Variants in DOCK3 observed in about 807,000 individuals in gnomAD.
DOCK3 encodes dedicator of cytokinesis protein 3.
A neutral mutation model predicts 265.6 loss-of-function variants in DOCK3; 60 were observed. That is an observed-to-expected ratio of 0.23 (90% CI 0.18 to 0.28). The LOEUF (loss-of-function observed/expected upper bound fraction) is 0.28. Among genes scored for constraint, DOCK3 ranks in the 10% least tolerant of loss-of-function variants. The pLI is 1.00. For missense variants in DOCK3, 1,981 were observed against 2,594.3 expected (o/e 0.76, Z 5.14); for synonymous variants, 881 against 938.0 (o/e 0.94, Z 1.11).
intron 23 of DOCK3, among the ~76,000 whole-genome samples, chr3:51,264,972 AAG>A (rs927773606): frequency 6.6e-6 from 1 of 152,128 alleles, no homozygotes; most frequent in African/African-American, 2.4e-5. Flanking sequence ...TAATGAAGAA[AAG>A]AGAGAAGAAT....
At chr3:51,106,076 G>C (rs953675314) in intron 9 of DOCK3, among the ~76,000 whole-genome samples, 1 of 152,210 alleles carries the variant, frequency 6.6e-6, no homozygotes, top group African/African-American at 2.4e-5. Flanking sequence ...ATCTGTAGTG[G>C]AGCATGGCCA....
intron 5 of DOCK3, among the ~76,000 whole-genome samples, chr3:50,985,011 C>T (rs1236068510): frequency 1.3e-5 from 2 of 152,056 alleles, no homozygotes; most frequent in Admixed American, 6.6e-5. Context: ...GGCCAGCTCT[C>T]CATGGATACC....
chr3:50,927,211 A>G (rs982803968), intron 4 of DOCK3, among the ~76,000 whole-genome samples: 1 of 152,160 alleles, frequency 6.6e-6, no homozygotes, highest in African/African-American at 2.4e-5. Flanking sequence ...CCTTGACTAC[A>G]GTATTTATTT....
intron 51 of DOCK3, 99 bp from the exon 52 acceptor site, chr3:51,380,026 G>A: frequency 1.7e-6 from 2 of 1,146,280 alleles, no homozygotes; most frequent in South Asian, 3.0e-5. Flanking sequence ...GTCCCCAGGG[G>A]ACTCTTCTCA....
At chr3:50,698,017 G>T (rs1166782595) in intron 1 of DOCK3, among the ~76,000 whole-genome samples, 1 of 152,016 alleles carries the variant, frequency 6.6e-6, no homozygotes, top group Non-Finnish European at 1.5e-5. Context: ...AATAGCAGGG[G>T]TGTCGAGGTA....
chr3:50,984,088 C>G lies in DOCK3; in HGVS notation c.315+50011C>G, dbSNP rs77800829. Reference sequence around the variant, plus strand: ...CAGACCCCACACTTGCTCACACACCCCTTGCCACTCCATGCCTTACTTGCC... The same window carrying G: ...CAGACCCCACACTTGCTCACACACCGCTTGCCACTCCATGCCTTACTTGCC... On this transcript the variant is annotated intron_variant, in intron 5 of 52. Coordinates refer to ENST00000266037, the MANE Select transcript of DOCK3 (RefSeq NM_004947.5). 7.2e-5 allele frequency among the ~76,000 whole-genome samples: 11 copies of G among 151,932 alleles called. No individual in the cohort carries two copies. In the East Asian group the frequency reaches 2.1e-3, roughly 29 times the overall value.
At chr3:51,143,834 G>A (rs1420069483) in intron 9 of DOCK3, among the ~76,000 whole-genome samples, 1 of 152,102 alleles carries the variant, frequency 6.6e-6, no homozygotes, top group Non-Finnish European at 1.5e-5. Flanking sequence ...TTTAATTTAT[G>A]TAAAGTCTAA....
rs375448668 is a variant in DOCK3 at position 50,923,365 on chromosome 3, T to C, written c.219-10616T>C. ...CCACGCTATTTTCCATAGTGGTTTT[T>C]ATTTTTAGTCTTTTGTCATGCAAGA... On this transcript the variant is annotated intron_variant, in intron 4 of 52. Coordinates refer to ENST00000266037, the MANE Select transcript of DOCK3 (RefSeq NM_004947.5). 3.9e-4 allele frequency among the ~76,000 whole-genome samples: 60 copies of C among 152,356 alleles called. 1 individual carries two copies. The highest frequency in any genetic ancestry group is 1.4e-3 in the African/African-American group (59 of 41,594).
chr3:51,046,093 AG>A (rs1250382340), intron 5 of DOCK3, among the ~76,000 whole-genome samples: 1 of 152,180 alleles, frequency 6.6e-6, no homozygotes, highest in Non-Finnish European at 1.5e-5. Context: ...AACCTGTCAT[AG>A]ATTTTTAAAA....
At chr3:50,786,991 A>G (rs561232498) in intron 2 of DOCK3, 226 of 742,296 alleles carry the variant, frequency 3.0e-4, no homozygotes, top group South Asian at 3.0e-3. Flanking sequence ...GTTTTCGCAC[A>G]TGAGCCATGG....
intron 26 of DOCK3, among the ~76,000 whole-genome samples, chr3:51,279,012 G>A (rs1277726771): frequency 6.6e-6 from 1 of 152,106 alleles, no homozygotes; most frequent in Admixed American, 6.6e-5. Flanking sequence ...ACTTTGGGAG[G>A]CCGAGGCAGA....
intron 12 of DOCK3, among the ~76,000 whole-genome samples, chr3:51,189,819 T>C (rs115692409): frequency 0.013 from 1,968 of 152,290 alleles, 51 homozygotes; most frequent in African/African-American, 0.045. Flanking sequence ...TACTTTTAGT[T>C]CTTTAAGAAA....
intron 22 of DOCK3, among the ~76,000 whole-genome samples, chr3:51,255,487 G>T (rs1037352547): frequency 3.3e-5 from 5 of 152,110 alleles, no homozygotes; most frequent in Non-Finnish European, 7.3e-5. Flanking sequence ...CATTCTCCCC[G>T]TCACTTTCAG....
At chr3:50,883,404 A>T (rs557753209) in intron 3 of DOCK3, among the ~76,000 whole-genome samples, 8 of 152,270 alleles carry the variant, frequency 5.3e-5, no homozygotes, top group Non-Finnish European at 8.8e-5. Context: ...ATGAATGTCT[A>T]TTATATTTAC....
At chr3:51,203,041 A>T (rs912546504) in intron 12 of DOCK3, among the ~76,000 whole-genome samples, 14 of 152,232 alleles carry the variant, frequency 9.2e-5, no homozygotes, top group African/African-American at 3.4e-4. Context: ...GCTATCTATC[A>T]CAAACCCACA....
chr3:51,341,230 C>G lies in DOCK3; in HGVS notation c.3767-7C>G. ...CCCCTGGACCTCCATGCTGTCTGTC[C>G]CCACAGAGGCCGCATTTACCCTGCT... On this transcript the variant is annotated splice_polypyrimidine_tract_variant and splice_region_variant and intron_variant, in intron 37 of 52. Transcript: ENST00000266037. The G allele has an allele frequency of 1.9e-6, 3 of 1,564,764 alleles. No individual in the cohort carries two copies. The highest frequency in any genetic ancestry group is 2.6e-6 in the Non-Finnish European group (3 of 1,154,506).
intron 5 of DOCK3, among the ~76,000 whole-genome samples, chr3:50,972,907 C>T (rs1050809514): frequency 6.7e-6 from 1 of 150,278 alleles, no homozygotes; most frequent in African/African-American, 2.4e-5. Flanking sequence ...TTTTTAATTC[C>T]ATACAAGTTT....
intron 5 of DOCK3, among the ~76,000 whole-genome samples, chr3:51,056,245 A>T (rs928953184): frequency 1.3e-4 from 20 of 151,964 alleles, no homozygotes; most frequent in East Asian, 7.7e-4. Context: ...TATTATTATT[A>T]TTTTTATTTT....
intron 5 of DOCK3, among the ~76,000 whole-genome samples, chr3:51,038,812 C>T (rs934564409): frequency 9.9e-5 from 15 of 152,020 alleles, no homozygotes; most frequent in Middle Eastern, 6.8e-3. Flanking sequence ...CCCCTTTATT[C>T]CATATCCCAT....
Sources: allele counts gnomAD v4.1 joint callset (sites outside exome capture counted in the v4.1 genomes callset), GRCh38; gene constraint gnomAD v4.1.1; transcripts MANE v1.5; gene names NCBI Gene and HGNC (gene_info 2026-07-23, HGNC 2026-07-21).